The following PLD5 variants were observed in gnomAD, a reference collection of about 807,000 sequenced individuals.
The protein encoded by PLD5 is phospholipase D family member 5, also known as inactive phospholipase D5.
Under a neutral mutation model 61.1 loss-of-function variants are expected in PLD5, and 36 were observed. The observed-to-expected ratio is 0.59, with a 90% CI of 0.45 to 0.78. PLD5 has a LOEUF of 0.78. PLD5 is among the 30% of genes least tolerant of loss of function. PLD5 has a pLI of 0.00. For synonymous variants in PLD5, 243 were observed against 242.8 expected (o/e 1.00, Z -0.01); for missense variants, 515 against 644.4 (o/e 0.80, Z 2.17).
intron 6 of PLD5, among the ~76,000 whole-genome samples, chr1:242,116,280 C>CA (rs1157675730): frequency 1.3e-5 from 2 of 152,164 alleles, no homozygotes; most frequent in African/African-American, 4.8e-5. Context: ...ACTGGACGCC[C>CA]ACCTTAGAAG....
At chr1:242,376,827 C>T in intron 1 of PLD5, 1 of 1,279,416 alleles carries the variant, frequency 7.8e-7, no homozygotes, top group Non-Finnish European at 1.1e-6. Context: ...CTAGACAGTA[C>T]TGTTAATTCT....
At chr1:242,253,115 C>CTTTTT (rs35097685) in intron 4 of PLD5, among the ~76,000 whole-genome samples, 3 of 73,198 alleles carry the variant, frequency 4.1e-5, no homozygotes, top group African/African-American at 1.4e-4. Flanking sequence ...GTGTATGGCC[C>CTTTTT]TTTTTTTTTT....
intron 2 of PLD5, among the ~76,000 whole-genome samples, chr1:242,294,684 G>T (rs1415269343): frequency 6.6e-6 from 1 of 152,042 alleles, no homozygotes; most frequent in Admixed American, 6.6e-5. Context: ...GCAGAAAAAA[G>T]GTTATTACAA....
chr1:242,516,717 A>T lies in PLD5; in HGVS notation c.189+7371T>A, dbSNP rs560743643. On this transcript the variant is annotated intron_variant, in intron 1 of 9. Coordinates refer to ENST00000536534, the MANE Select transcript of PLD5 (RefSeq NM_001372062.1). ...CTTGCACCAATACCACACTGCTTTA[A>T]TTAATCTAGCTTTAGAATAAGTTTA... Among the ~76,000 whole-genome samples the T allele has an allele frequency of 3.9e-5, 6 of 152,292 alleles. No homozygotes were observed. In the South Asian group the frequency reaches 1.2e-3, roughly 32 times the overall value.
intron 2 of PLD5, among the ~76,000 whole-genome samples, chr1:242,297,090 AAT>A (rs1289537182): frequency 6.6e-6 from 1 of 152,122 alleles, no homozygotes; most frequent in Non-Finnish European, 1.5e-5. Context: ...TCATGCCTGT[AAT>A]CTCAGCACTT....
chr1:242,142,984 T>G (rs1664286181), intron 5 of PLD5, among the ~76,000 whole-genome samples: 2 of 150,800 alleles, frequency 1.3e-5, no homozygotes, highest in South Asian at 4.2e-4. Flanking sequence ...TCCCAAAGTA[T>G]TGGGATTACA....
intron 2 of PLD5, among the ~76,000 whole-genome samples, chr1:242,343,590 C>T (rs1659961531): frequency 6.6e-6 from 1 of 151,128 alleles, no homozygotes; most frequent in South Asian, 2.1e-4. Flanking sequence ...CTCCAAAAAG[C>T]CCTCACCTCT....
intron 1 of PLD5, among the ~76,000 whole-genome samples, chr1:242,421,047 G>A (rs968556303): frequency 8.6e-5 from 13 of 151,698 alleles, no homozygotes; most frequent in Non-Finnish European, 1.9e-4. Context: ...GGGCGTGGTG[G>A]CACGCGCCTG....
At chr1:242,479,198 AAGG>A (rs1667692303) in intron 1 of PLD5, among the ~76,000 whole-genome samples, 1 of 152,210 alleles carries the variant, frequency 6.6e-6, no homozygotes, top group Non-Finnish European at 1.5e-5. Flanking sequence ...GAAATGAGGT[AAGG>A]AATGCAATAG....
chr1:242,348,376 A>G (rs1032863416), intron 1 of PLD5, 134 bp from the exon 2 acceptor site: 102 of 990,406 alleles, frequency 1.0e-4, no homozygotes, highest in Non-Finnish European at 1.4e-4. Flanking sequence ...AGGGAAATCT[A>G]TTCTCTAGTG....
At chr1:242,393,208 AT>A (rs67005493) in intron 1 of PLD5, among the ~76,000 whole-genome samples, 2,572 of 88,516 alleles carry the variant, frequency 0.029, 102 homozygotes, top group African/African-American at 0.086. Flanking sequence ...TCTCAAAAAA[AT>A]ATATATATAT....
chr1:242,478,295 G>A (rs574139390), intron 1 of PLD5, among the ~76,000 whole-genome samples: 1 of 152,160 alleles, frequency 6.6e-6, no homozygotes, highest in African/African-American at 2.4e-5. Context: ...GCCTTTGGAA[G>A]CTCACTGTGT....
intron 1 of PLD5, among the ~76,000 whole-genome samples, chr1:242,511,183 C>A (rs1668895841): frequency 6.6e-6 from 1 of 152,066 alleles, no homozygotes; most frequent in Non-Finnish European, 1.5e-5. Flanking sequence ...CTTAAAGAAT[C>A]ATAAAAGTAC....
intron 5 of PLD5, among the ~76,000 whole-genome samples, chr1:242,198,564 G>A (rs958041591): frequency 7.2e-5 from 11 of 151,954 alleles, no homozygotes; most frequent in Non-Finnish European, 1.5e-4. Flanking sequence ...ATTAGAGAGA[G>A]AGGGACTCTC....
In PLD5 at chr1:242,282,431, A is replaced by C. The variant is rs1052765670; in HGVS notation, c.495+5931T>G. 1.9e-3 allele frequency among the ~76,000 whole-genome samples: 291 copies of C among 152,256 alleles called. 5 individuals carry two copies. The highest frequency in any genetic ancestry group is 6.8e-4 in the Non-Finnish European group (46 of 68,012). On this transcript the variant is annotated intron_variant, in intron 3 of 9. Coordinates refer to ENST00000536534, the MANE Select transcript of PLD5 (RefSeq NM_001372062.1). ...GGTAGGATCCAGGCTCGTACTTCCC[A>C]AAAACAACCTCTTGGATCACCGAGC...
intron 5 of PLD5, among the ~76,000 whole-genome samples, chr1:242,164,850 T>TA (rs1666183816): frequency 6.6e-6 from 1 of 151,986 alleles, no homozygotes; most frequent in Non-Finnish European, 1.5e-5. Context: ...ATTTACATGT[T>TA]ACTTGTAAAT....
At position 242,459,245 on chromosome 1, in the gene PLD5, C is replaced by T. The variant is rs370096814; in HGVS notation, c.189+64843G>A. Among the ~76,000 whole-genome samples, 9 of 152,264 alleles carry T rather than the reference C, an allele frequency of 5.9e-5. No homozygotes were observed. In the South Asian group the frequency reaches 8.3e-4, roughly 14 times the overall value. On this transcript the variant is annotated intron_variant, in intron 1 of 9. Transcript: ENST00000536534. ...TGTTCACAATTGGGAATCAGTAAAACGCCATTTACAAGGAAGTGAAGATAA... is the reference window on the plus strand; with the variant it reads ...TGTTCACAATTGGGAATCAGTAAAATGCCATTTACAAGGAAGTGAAGATAA...
chr1:242,218,582 GTGAGTAAAAAGTTTCTTGATTAAT>G (rs1240738602), intron 5 of PLD5, among the ~76,000 whole-genome samples: 12 of 152,312 alleles, frequency 7.9e-5, no homozygotes, highest in African/African-American at 2.6e-4. Context: ...AAAGATTCCA[GTGAGTAAAAAGTTTCTTGATTAAT>G]TGCATTGTTA....
At position 242,483,530 on chromosome 1, in the gene PLD5, C is replaced by T. The variant is rs960510689; in HGVS notation, c.189+40558G>A. On this transcript the variant is annotated intron_variant, in intron 1 of 9. Coordinates refer to ENST00000536534, the MANE Select transcript of PLD5 (RefSeq NM_001372062.1). Reference sequence around the variant, plus strand: ...CTAACTATCCTAAATATATATGCACCCAATACAGGAGCACCCACATTCATA... The same window carrying T: ...CTAACTATCCTAAATATATATGCACTCAATACAGGAGCACCCACATTCATA... Among the ~76,000 whole-genome samples the T allele has an allele frequency of 5.3e-5, 8 of 152,118 alleles. 1 individual carries two copies. The highest frequency in any genetic ancestry group is 1.2e-4 in the Non-Finnish European group (8 of 68,008).
Sources: allele counts gnomAD v4.1 joint callset (sites outside exome capture counted in the v4.1 genomes callset), GRCh38; gene constraint gnomAD v4.1.1; transcripts MANE v1.5; gene names NCBI Gene and HGNC (gene_info 2026-07-23, HGNC 2026-07-21).